Variants in CCDC73 observed in about 807,000 individuals in gnomAD.
CCDC73 encodes the protein coiled-coil domain-containing protein 73.
Under a neutral mutation model 116.5 loss-of-function variants are expected in CCDC73, and 95 were observed. The ratio of observed to expected loss-of-function variants is 0.82; its 90% CI spans 0.69 to 0.97. CCDC73 has a LOEUF of 0.97. CCDC73 is among the 50% of genes least tolerant of loss of function. The probability of loss-of-function intolerance (pLI) is 0.00; values close to 1 mark genes in which losing one functional copy is unlikely to be tolerated. For synonymous variants in CCDC73, 398 were observed against 401.3 expected, an observed-to-expected ratio of 0.99 and a Z score of 0.10; for missense variants, 1,066 against 1,206.8, an observed-to-expected ratio of 0.88 and a Z score of 1.73.
intron 10 of CCDC73, 58 bp from the exon 11 acceptor site, chr11:32,654,095 A>G: frequency 6.8e-7 from 1 of 1,460,840 alleles, no homozygotes; most frequent in Admixed American, 2.0e-5. Flanking sequence ...TTCTACATTC[A>G]ATTCAGTACT....
chr11:32,783,277 T>C (rs1037143421), intron 1 of CCDC73, among the ~76,000 whole-genome samples: 17 of 152,140 alleles, frequency 1.1e-4, no homozygotes, highest in African/African-American at 4.1e-4. Context: ...GATTACCAGA[T>C]TGGAATTTTA....
chr11:32,689,037 A>C (rs543068977), intron 6 of CCDC73, among the ~76,000 whole-genome samples: 9 of 152,278 alleles, frequency 5.9e-5, no homozygotes, highest in Admixed American at 5.9e-4. Flanking sequence ...GCACACTGGT[A>C]TAGAGAAAGG....
chr11:32,759,284 G>A (rs1224576292), intron 2 of CCDC73, among the ~76,000 whole-genome samples: 3 of 150,090 alleles, frequency 2.0e-5, no homozygotes, highest in African/African-American at 4.9e-5. Flanking sequence ...TTTTTAATGG[G>A]ATTTGCACAA....
At chr11:32,765,972 C>A (rs530719473) in intron 1 of CCDC73, among the ~76,000 whole-genome samples, 1 of 152,288 alleles carries the variant, frequency 6.6e-6, no homozygotes, top group African/African-American at 2.4e-5. Flanking sequence ...CCAGCATCAT[C>A]CTGATACCAA....
At chr11:32,622,766 TACAC>T (rs1353759022) in intron 14 of CCDC73, among the ~76,000 whole-genome samples, 1 of 151,228 alleles carries the variant, frequency 6.6e-6, no homozygotes, top group African/African-American at 2.4e-5. Context: ...ATATATATAA[TACAC>T]ACAGTGCATA....
chr11:32,697,836 T>C (rs1445083420), intron 6 of CCDC73, among the ~76,000 whole-genome samples: 6 of 151,828 alleles, frequency 4.0e-5, no homozygotes, highest in Admixed American at 6.6e-5. Context: ...CAGGGGTACA[T>C]ATGCAGGTCT....
At chr11:32,814,415 A>G in the CCDC73 span, among the ~76,000 whole-genome samples, 1 of 152,228 alleles carries the variant, frequency 6.6e-6, no homozygotes, top group Non-Finnish European at 1.5e-5. Context: ...ATTATTTAAA[A>G]TAGAGAATGA....
intron 9 of CCDC73, among the ~76,000 whole-genome samples, chr11:32,660,248 A>C (rs1013754263): frequency 2.7e-5 from 4 of 150,372 alleles, no homozygotes; most frequent in African/African-American, 7.4e-5. Context: ...AAAAAAAAAA[A>C]AAAAAAACAG....
intron 12 of CCDC73, among the ~76,000 whole-genome samples, chr11:32,644,963 G>T (rs1855764303): frequency 2.0e-5 from 3 of 152,136 alleles, no homozygotes; most frequent in Admixed American, 6.5e-5. Context: ...GTAATCTGTT[G>T]TATGGATGCA....
At chr11:32,607,544 G>T (rs891532033) in intron 17 of CCDC73, among the ~76,000 whole-genome samples, 2 of 152,312 alleles carry the variant, frequency 1.3e-5, no homozygotes, top group South Asian at 4.1e-4. Context: ...TCTTATAAGG[G>T]TTAAGGATTC....
At chr11:32,775,022 T>C (rs538432376) in intron 1 of CCDC73, among the ~76,000 whole-genome samples, 1 of 152,254 alleles carries the variant, frequency 6.6e-6, no homozygotes, top group East Asian at 1.9e-4. Flanking sequence ...TGACAAAAAA[T>C]ATGAGGAAAA....
Position 32,614,479 on chromosome 11 carries a change from A to G in CCDC73, c.1839T>C (p.His613=). 1 of 1,613,424 alleles carries G rather than the reference A, an allele frequency of 6.2e-7. No homozygotes were observed. The highest frequency in any genetic ancestry group is 8.5e-7 in the Non-Finnish European group (1 of 1,179,650). Residue 613 remains histidine, a synonymous_variant, in exon 16 of 18, where the codon CAT becomes CAC. Transcript: ENST00000335185. ...QFRLLPGTRE[H]ALEKEITNSD... ...TATTTGTAATTTCCTTCTCTAGAGCATGTTCTCGAGTCCCTGGAAGCAATC... is the reference window on the plus strand; with the variant it reads ...TATTTGTAATTTCCTTCTCTAGAGCGTGTTCTCGAGTCCCTGGAAGCAATC...
At chr11:32,637,619 C>T (rs952314735) in intron 13 of CCDC73, among the ~76,000 whole-genome samples, 1 of 151,578 alleles carries the variant, frequency 6.6e-6, no homozygotes, top group African/African-American at 2.4e-5. Context: ...CACACATACA[C>T]ATACACACAC....
At chr11:32,811,077 C>CAAAA in the CCDC73 span, among the ~76,000 whole-genome samples, 3 of 145,072 alleles carry the variant, frequency 2.1e-5, no homozygotes, top group Non-Finnish European at 3.1e-5. Context: ...ACAACAACAA[C>CAAAA]AAAAAAAAAA....
the CCDC73 span, among the ~76,000 whole-genome samples, chr11:32,812,748 G>A: frequency 7.2e-5 from 11 of 151,764 alleles, no homozygotes; most frequent in African/African-American, 1.9e-4. Flanking sequence ...TGAGGTGGGA[G>A]GATTGCCTGA....
At chr11:32,652,417 G>C (rs1161409254) in intron 12 of CCDC73, among the ~76,000 whole-genome samples, 2 of 152,094 alleles carry the variant, frequency 1.3e-5, no homozygotes, top group South Asian at 2.1e-4. Flanking sequence ...GGTAACACTA[G>C]AGTGGACCTT....
chr11:32,653,863 T>A, intron 11 of CCDC73, 115 bp downstream of exon 11: 1 of 1,181,146 alleles, frequency 8.5e-7, no homozygotes, highest in East Asian at 2.6e-5. Context: ...ACATGTACAT[T>A]TAATACACAT....
At chr11:32,788,051 C>T (rs972589363) in intron 1 of CCDC73, among the ~76,000 whole-genome samples, 3 of 152,186 alleles carry the variant, frequency 2.0e-5, no homozygotes, top group Non-Finnish European at 4.4e-5. Flanking sequence ...TTGCCTTATC[C>T]GTTATACTGC....
chr11:32,829,851 C>T, the CCDC73 span: 2 of 985,444 alleles, frequency 2.0e-6, no homozygotes, highest in Non-Finnish European at 2.4e-6. Flanking sequence ...ACTGCCCGCC[C>T]GCTCGCCGCA....
Sources: allele counts gnomAD v4.1 joint callset (sites outside exome capture counted in the v4.1 genomes callset), GRCh38; gene constraint gnomAD v4.1.1; transcripts MANE v1.5; gene names NCBI Gene and HGNC (gene_info 2026-07-23, HGNC 2026-07-21).